Variants in UGT1A10 observed in about 807,000 individuals in gnomAD.
UGT1A10 encodes the protein UDP glucuronosyltransferase family 1 member A10.
Under a neutral mutation model 45.8 loss-of-function variants are expected in UGT1A10, and 49 were observed. That is an observed-to-expected ratio of 1.07 (90% confidence interval 0.85 to 1.36). UGT1A10 has a LOEUF of 1.36. Among genes scored for constraint, UGT1A10 ranks in the 40% most tolerant of loss-of-function variants. The pLI is 0.00. For missense variants in UGT1A10, 745 were observed against 668.6 expected (o/e 1.11, Z -1.26); for synonymous variants, 284 against 249.7 (o/e 1.14, Z -1.29).
rs568014834 is a variant in UGT1A10, at chr2:233,720,430, C to T, written c.856-46604C>T. Among the ~76,000 whole-genome samples the T allele has an allele frequency of 5.5e-4, 84 of 151,958 alleles. 1 individual carries two copies. The highest frequency in any genetic ancestry group is 1.8e-3 in the African/African-American group (76 of 41,396). ...GAAGGGACTAGGGAGGAGATAAGAC[C>T]GTGAATCTATAAGCCCAGTGAAGCT... On this transcript the variant is annotated intron_variant, in intron 1 of 4. Coordinates refer to ENST00000344644, the MANE Select transcript of UGT1A10 (RefSeq NM_019075.4).
At chr2:233,709,625 TGTGA>T (rs2076085434) in intron 1 of UGT1A10, among the ~76,000 whole-genome samples, 1 of 152,234 alleles carries the variant, frequency 6.6e-6, no homozygotes, top group African/African-American at 2.4e-5. Flanking sequence ...GGTGTTTTGC[TGTGA>T]GTGTTTCTTG....
intron 1 of UGT1A10, chr2:233,721,567 T>G (rs750626594): frequency 3.5e-4 from 56 of 162,222 alleles, no homozygotes; most frequent in Non-Finnish European, 4.6e-4. Context: ...TTCTGGGATA[T>G]CTTTTTCTTC....
intron 1 of UGT1A10, chr2:233,729,455 T>G: frequency 2.5e-6 from 4 of 1,614,068 alleles, no homozygotes; most frequent in Non-Finnish European, 2.5e-6. Flanking sequence ...CTGAAGAAAT[T>G]TTTCAGAAGT....
At chr2:233,759,599 A>ACC (rs1553620419) in intron 1 of UGT1A10, among the ~76,000 whole-genome samples, 7 of 108,662 alleles carry the variant, frequency 6.4e-5, no homozygotes, top group Admixed American at 1.0e-4. Context: ...CCCACCCCCG[A>ACC]CCCGCCCCAC....
intron 1 of UGT1A10, among the ~76,000 whole-genome samples, chr2:233,657,903 A>T (rs1235159957): frequency 1.3e-5 from 2 of 152,044 alleles, no homozygotes; most frequent in Non-Finnish European, 2.9e-5. Context: ...TTTATACTTT[A>T]TCAGTTTCTG....
intron 1 of UGT1A10, among the ~76,000 whole-genome samples, chr2:233,707,931 A>G (rs1386071034): frequency 6.6e-6 from 1 of 152,216 alleles, no homozygotes; most frequent in Non-Finnish European, 1.5e-5. Context: ...AAATATACTT[A>G]TCAGTCATTT....
At chr2:233,665,354 A>G (rs1265557726) in intron 1 of UGT1A10, among the ~76,000 whole-genome samples, 3 of 152,212 alleles carry the variant, frequency 2.0e-5, no homozygotes, top group Non-Finnish European at 4.4e-5. Context: ...TCTTTACATT[A>G]CTATATTTCC....
intron 1 of UGT1A10, chr2:233,682,738 CA>C: frequency 9.9e-6 from 16 of 1,613,880 alleles, no homozygotes; most frequent in Non-Finnish European, 1.4e-5. Flanking sequence ...CCGTGATGCC[CA>C]ATATGATCTT....
chr2:233,686,333 T>A (rs6753317), intron 1 of UGT1A10, among the ~76,000 whole-genome samples: 27,662 of 152,022 alleles, frequency 0.18, 2,740 homozygotes, highest in Non-Finnish European at 0.23. Context: ...AATGTTTTTA[T>A]ACAAAAGCTT....
intron 1 of UGT1A10, among the ~76,000 whole-genome samples, chr2:233,676,761 A>ACTTTTGGTAGGAAGACACAGAGGT (rs2074370562): frequency 1.3e-5 from 2 of 152,100 alleles, no homozygotes; most frequent in Non-Finnish European, 2.9e-5. Context: ...GGGTTTATAG[A>ACTTTTGGTAGGAAGACACAGAGGT]CTTTTGGTAG....
chr2:233,664,091 G>A (rs530521442), intron 1 of UGT1A10, among the ~76,000 whole-genome samples: 1 of 152,240 alleles, frequency 6.6e-6, no homozygotes, highest in East Asian at 1.9e-4. Context: ...TGGACTCAAT[G>A]CAGCCAAGTT....
chr2:233,725,667 A>G (rs756322842), intron 1 of UGT1A10, among the ~76,000 whole-genome samples: 6 of 152,188 alleles, frequency 3.9e-5, no homozygotes, highest in Non-Finnish European at 8.8e-5. Context: ...AATTTGGAAT[A>G]GTCACATTTC....
intron 1 of UGT1A10, among the ~76,000 whole-genome samples, chr2:233,664,852 GT>G: frequency 6.6e-6 from 1 of 152,180 alleles, no homozygotes; most frequent in Admixed American, 6.5e-5. Flanking sequence ...TTTTTTTCCA[GT>G]TTCATGAATC....
intron 1 of UGT1A10, among the ~76,000 whole-genome samples, chr2:233,684,532 A>G (rs1001886486): frequency 6.6e-6 from 1 of 152,196 alleles, no homozygotes. Context: ...ATGATTCTAT[A>G]CCACCTATAA....
At chr2:233,679,399 T>C (rs7595138) in intron 1 of UGT1A10, among the ~76,000 whole-genome samples, 93,381 of 151,990 alleles carry the variant, frequency 0.61, 28,951 homozygotes, top group South Asian at 0.65. Context: ...TTTCAAGGCT[T>C]GAGGTTTGGC....
chr2:233,663,979 C>T (rs1383361781), intron 1 of UGT1A10, among the ~76,000 whole-genome samples: 1 of 152,170 alleles, frequency 6.6e-6, no homozygotes, highest in Non-Finnish European at 1.5e-5. Flanking sequence ...TAGTTACAAG[C>T]AGCCAGGCCA....
Position 233,648,054 on chromosome 2 carries a change from A to G in UGT1A10, c.855+10677A>G. 3 of 1,579,272 alleles carry G rather than the reference A, an allele frequency of 1.9e-6. No individual in the cohort carries two copies. In the Admixed American group the frequency reaches 5.3e-5, roughly 28 times the overall value. The stretch of plus-strand genomic sequence containing the variant: ...AACTGGGAAGATCACTGAATTGCAC[A>G]GTGAAGACTTCTTCAACCTTATACA... On this transcript the variant is annotated intron_variant, in intron 1 of 4. Coordinates refer to ENST00000344644, the MANE Select transcript of UGT1A10 (RefSeq NM_019075.4).
intron 1 of UGT1A10, among the ~76,000 whole-genome samples, chr2:233,700,735 A>G (rs368539869): frequency 4.6e-5 from 7 of 151,920 alleles, no homozygotes; most frequent in African/African-American, 1.7e-4. Context: ...TTTTATTATT[A>G]TTATACTTTA....
In UGT1A10 at chr2:233,683,609, G is replaced by A. The variant is rs45589132; in HGVS notation, c.855+46232G>A. ...AATATGAATCCCTCATTATTTATTC[G>A]GATTCTGTTTTATTTCCATAAATAA... On this transcript the variant is annotated intron_variant, in intron 1 of 4. Coordinates refer to ENST00000344644, the MANE Select transcript of UGT1A10 (RefSeq NM_019075.4). 8.3e-4 allele frequency among the ~76,000 whole-genome samples: 126 copies of A among 151,888 alleles called. 1 individual carries two copies. The highest frequency in any genetic ancestry group is 2.5e-3 in the African/African-American group (104 of 41,430).
Sources: gnomAD v4.1 joint callset for allele counts (sites outside exome capture counted in the v4.1 genomes callset) on GRCh38, gnomAD v4.1.1 for gene constraint, MANE v1.5 for transcripts, NCBI Gene and HGNC (gene_info 2026-07-23, HGNC 2026-07-21) for gene names.